Variants in DIS3L2 observed in about 807,000 individuals in gnomAD.
DIS3L2 encodes DIS3 like 3'-5' exoribonuclease 2, also known as DIS3-like exonuclease 2.
A neutral mutation model predicts 97.5 loss-of-function variants in DIS3L2; 34 were observed. That is an observed-to-expected ratio of 0.35 (90% CI 0.27 to 0.46). The LOEUF (loss-of-function observed/expected upper bound fraction) is 0.46. Ranked by LOEUF, DIS3L2 falls within the 20% of genes least tolerant of loss-of-function variation. The probability of loss-of-function intolerance (pLI) is 1.00; values close to 1 mark genes in which losing one functional copy is unlikely to be tolerated. For synonymous variants in DIS3L2, 435 were observed against 445.2 expected (o/e 0.98, Z 0.29); for missense variants, 1,038 against 1,146.0 (o/e 0.91, Z 1.36).
intron 8 of DIS3L2, among the ~76,000 whole-genome samples, chr2:232,160,077 T>G (rs367774831): frequency 6.6e-6 from 1 of 152,244 alleles, no homozygotes; most frequent in South Asian, 2.1e-4. Context: ...ATGAGAGGTA[T>G]TGATCTCATT....
chr2:232,336,421 A>T (rs751661988), intron 20 of DIS3L2, 48 bp from the exon 21 acceptor site: 137 of 1,580,938 alleles, frequency 8.7e-5, no homozygotes, highest in Admixed American at 1.3e-4. Flanking sequence ...CTGCGCCTCG[A>T]CATCAGGCCC....
At chr2:232,233,368 A>G (rs1256680755) in intron 10 of DIS3L2, among the ~76,000 whole-genome samples, 2 of 152,128 alleles carry the variant, frequency 1.3e-5, no homozygotes, top group African/African-American at 2.4e-5. Context: ...AAAGAATGAG[A>G]GAGCTGTCTG....
chr2:232,343,163 A>T, intron 13 of DIS3L2: 1 of 637,790 alleles, frequency 1.6e-6, no homozygotes, highest in South Asian at 2.0e-5. Flanking sequence ...ATCAAAGCAG[A>T]CTGTTGACTA....
chr2:232,192,062 A>T (rs1270098200), intron 9 of DIS3L2, among the ~76,000 whole-genome samples: 1 of 152,158 alleles, frequency 6.6e-6, no homozygotes, highest in African/African-American at 2.4e-5. Flanking sequence ...TAGCTAGTAG[A>T]TCATCTTCCA....
chr2:232,333,756 G>GACCAA, intron 16 of DIS3L2, 84 bp from the exon 17 acceptor site: 24 of 1,487,150 alleles, frequency 1.6e-5, no homozygotes, highest in South Asian at 5.4e-5. Context: ...CGCTGCCGAC[G>GACCAA]GTGAGGCTGT....
rs1489015625 is a variant in DIS3L2, at chr2:232,335,796, C to T, written c.2418C>T (p.His806=). 21 of 1,550,672 alleles carry T rather than the reference C, an allele frequency of 1.4e-5. No homozygotes were observed. Among genetic ancestry groups the T allele is most frequent in the Non-Finnish European group, 1.8e-5 (21 of 1,147,010 alleles). The change falls in exon 20 of 21, where the codon CAC becomes CAT. Residue 806 remains histidine (H), a synonymous_variant. Transcript: ENST00000325385. The part of the protein sequence containing the change: ...YCNALALRSH[H]FQKVGKKPEL... ...AGGCACTGGCCCTGCGGTCCCACCA[C>T]TTCCAGAAGGTGGGCAAGAAGCCGG... is the stretch of plus-strand genomic sequence containing the variant.
intron 6 of DIS3L2, among the ~76,000 whole-genome samples, chr2:232,100,874 C>A: frequency 6.8e-6 from 1 of 147,434 alleles, no homozygotes; most frequent in East Asian, 2.0e-4. Flanking sequence ...ATTGTTCTTC[C>A]CTTCATAGTA....
chr2:232,071,055 G>GCT (rs1464098169), intron 5 of DIS3L2, among the ~76,000 whole-genome samples: 2 of 152,200 alleles, frequency 1.3e-5, no homozygotes, highest in East Asian at 3.8e-4. Context: ...GGTCTGCATA[G>GCT]AGGAGGGCTC....
chr2:232,329,786 C>CCCGGGGGGA, intron 14 of DIS3L2, 27 bp from the exon 15 acceptor site: 4 of 430,236 alleles, frequency 9.3e-6, no homozygotes, highest in Non-Finnish European at 1.7e-5. Context: ...CCCCAGCGGT[C>CCCGGGGGGA]CCTCCCATCC....
intron 12 of DIS3L2, among the ~76,000 whole-genome samples, chr2:232,254,570 C>A (rs1693505782): frequency 1.3e-5 from 2 of 151,840 alleles, no homozygotes; most frequent in African/African-American, 4.8e-5. Context: ...AAATAAAAGC[C>A]CATAGAAGAA....
intron 12 of DIS3L2, among the ~76,000 whole-genome samples, chr2:232,261,748 C>T (rs1202108592): frequency 1.3e-5 from 2 of 152,184 alleles, no homozygotes; most frequent in Non-Finnish European, 2.9e-5. Context: ...TTTGTTTTCT[C>T]CTCCTTGACA....
At chr2:232,139,562 C>T (rs1447365112) in intron 8 of DIS3L2, among the ~76,000 whole-genome samples, 2 of 152,112 alleles carry the variant, frequency 1.3e-5, no homozygotes, top group Non-Finnish European at 2.9e-5. Flanking sequence ...TGGGAAAGAG[C>T]GTGGATAAAA....
At chr2:232,035,383 T>C (rs1196400157) in intron 5 of DIS3L2, among the ~76,000 whole-genome samples, 2 of 152,214 alleles carry the variant, frequency 1.3e-5, no homozygotes, top group Non-Finnish European at 2.9e-5. Flanking sequence ...ATATTGAGCC[T>C]ATGTGTGTCT....
At chr2:232,336,196 A>C (rs1695939667) in intron 20 of DIS3L2, 2 of 1,534,028 alleles carry the variant, frequency 1.3e-6, no homozygotes, top group East Asian at 2.5e-5. Flanking sequence ...AATTGTCTGG[A>C]ACCGTTTTCA....
In DIS3L2 at chr2:232,327,990, T is replaced by C. The variant is rs139504128; in HGVS notation, c.1740-1823T>C. ...TGTTCAGAATCCCACGGCAAGAAAGTTGTGGAGCTGAGAGTCAAACCTGGG... is the reference window on the plus strand; with the variant it reads ...TGTTCAGAATCCCACGGCAAGAAAGCTGTGGAGCTGAGAGTCAAACCTGGG... On this transcript the variant is annotated intron_variant, in intron 14 of 20. Transcript: ENST00000325385. Among the ~76,000 whole-genome samples the C allele has an allele frequency of 8.6e-3, 1,310 of 152,248 alleles. 23 individuals carry two copies. The highest frequency in any genetic ancestry group is 0.049 in the Admixed American group (752 of 15,298).
At chr2:232,064,341 A>G (rs1279263035) in intron 5 of DIS3L2, among the ~76,000 whole-genome samples, 2 of 152,092 alleles carry the variant, frequency 1.3e-5, no homozygotes, top group East Asian at 1.9e-4. Context: ...GCTTTTTTCT[A>G]TTAGCGTGCG....
chr2:232,146,302 T>C (rs555387351), intron 8 of DIS3L2, among the ~76,000 whole-genome samples: 1 of 152,302 alleles, frequency 6.6e-6, no homozygotes, highest in African/African-American at 2.4e-5. Context: ...ACATTTTCTG[T>C]TGCAGAGTGA....
intron 9 of DIS3L2, among the ~76,000 whole-genome samples, chr2:232,190,399 G>C (rs1357578705): frequency 6.6e-6 from 1 of 152,132 alleles, no homozygotes; most frequent in Non-Finnish European, 1.5e-5. Flanking sequence ...CTCAGTTGGG[G>C]GATATGCCTA....
At chr2:232,042,887 G>T (rs1448950486) in intron 5 of DIS3L2, among the ~76,000 whole-genome samples, 1 of 152,172 alleles carries the variant, frequency 6.6e-6, no homozygotes, top group African/African-American at 2.4e-5. Flanking sequence ...GGGCAGTGAT[G>T]GCACATTCTA....
Sources: allele counts gnomAD v4.1 joint callset (sites outside exome capture counted in the v4.1 genomes callset), GRCh38; gene constraint gnomAD v4.1.1; transcripts MANE v1.5; gene names NCBI Gene and HGNC (gene_info 2026-07-23, HGNC 2026-07-21).